The following EPB41L3 variants were observed in gnomAD, a reference collection of about 807,000 sequenced individuals.
EPB41L3 encodes erythrocyte membrane protein band 4.1 like 3, also known as band 4.1-like protein 3.
Under a neutral mutation model 127.1 loss-of-function variants are expected in EPB41L3, and 57 were observed. That is an observed-to-expected ratio of 0.45 (90% CI 0.36 to 0.56). The LOEUF (loss-of-function observed/expected upper bound fraction) is 0.56, where lower values mean the gene tolerates loss of function less well. EPB41L3 is among the 20% of genes least tolerant of loss of function. The pLI is 0.00. For missense variants in EPB41L3, 1,273 were observed against 1,372.2 expected (o/e 0.93, Z 1.14); for synonymous variants, 572 against 549.5 (o/e 1.04, Z -0.57).
chr18:5,522,886 T>C (rs1351228785), intron 1 of EPB41L3, among the ~76,000 whole-genome samples: 6 of 152,202 alleles, frequency 3.9e-5, no homozygotes, highest in African/African-American at 1.4e-4. Flanking sequence ...AAATATTTGA[T>C]GAATAAGTGA....
At chr18:5,598,468 A>G (rs1179294883) in intron 3 of EPB41L3, among the ~76,000 whole-genome samples, 1 of 152,190 alleles carries the variant, frequency 6.6e-6, no homozygotes, top group African/African-American at 2.4e-5. Context: ...TTATTTTTAA[A>G]TGAATTAATA....
upstream of EPB41L3, among the ~76,000 whole-genome samples, chr18:5,546,314 C>T (rs1264431331): frequency 6.6e-6 from 1 of 151,984 alleles, no homozygotes; most frequent in South Asian, 2.1e-4. Context: ...CGGTGGATCA[C>T]GAGGTCAGGA....
rs1489727377 is a variant in EPB41L3, at chr18:5,394,989, G to T, written c.3153+78C>A. ...CTTCGGAATACATGCTGGACTAGAG[G>T]AATAGCATTGAAACTGTAGGACCAA... On this transcript the variant is annotated intron_variant, in intron 21 of 22. Coordinates refer to ENST00000341928, the MANE Select transcript of EPB41L3 (RefSeq NM_012307.5). The T allele has an allele frequency of 4.3e-6, 6 of 1,392,500 alleles. No individual in the cohort carries two copies. In the African/African-American group the frequency reaches 5.7e-5, roughly 13 times the overall value. 86.3% of individuals were successfully genotyped at this position (1,392,500 alleles called of 1,614,324 possible).
In EPB41L3 at chr18:5,434,182, C is replaced by T. The variant is rs185435828; in HGVS notation, c.606-61G>A. On this transcript the variant is annotated intron_variant, in intron 6 of 22. Coordinates refer to ENST00000341928, the MANE Select transcript of EPB41L3 (RefSeq NM_012307.5). ...GCATGAGGATACAGGAAAAGGAGGT[C>T]GCTTGGTAAAAATCGTGGGCAAATA... The T allele has an allele frequency of 8.3e-4, 1,190 of 1,429,762 alleles. 1 individual carries two copies. Among genetic ancestry groups the T allele is most frequent in the Non-Finnish European group, 1.1e-3 (1,076 of 1,020,904 alleles). The allele number at this position is 1,429,762 out of a possible 1,614,324, so 88.6% of individuals were successfully genotyped here.
intron 13 of EPB41L3, among the ~76,000 whole-genome samples, chr18:5,413,539 T>C (rs1029324046): frequency 1.2e-4 from 18 of 152,214 alleles, no homozygotes; most frequent in African/African-American, 3.9e-4. Flanking sequence ...CTGAATTGTA[T>C]GTTAAGAAGT....
At chr18:5,447,123 G>C (rs1488027398) in intron 3 of EPB41L3, among the ~76,000 whole-genome samples, 2 of 152,166 alleles carry the variant, frequency 1.3e-5, no homozygotes, top group Non-Finnish European at 2.9e-5. Context: ...ACCTGTGCTT[G>C]AATCTTCAGG....
chr18:5,449,095 A>G (rs2081932435), intron 3 of EPB41L3, among the ~76,000 whole-genome samples: 1 of 152,232 alleles, frequency 6.6e-6, no homozygotes, highest in Non-Finnish European at 1.5e-5. Flanking sequence ...CACGTATCTG[A>G]TAAAGAACTG....
chr18:5,395,012 C>A (rs1169479241), intron 21 of EPB41L3, 55 bp downstream of exon 21: 1 of 1,548,280 alleles, frequency 6.5e-7, no homozygotes, highest in South Asian at 1.1e-5. Context: ...ACTGTAGGAC[C>A]AACAGGTTTT....
At chr18:5,554,471 TA>T in intron 3 of EPB41L3, among the ~76,000 whole-genome samples, 1 of 152,186 alleles carries the variant, frequency 6.6e-6, no homozygotes, top group Non-Finnish European at 1.5e-5. Context: ...AGGAAGAAAC[TA>T]AATCTAAGGG....
At chr18:5,417,029 T>C (rs2076914289) in intron 12 of EPB41L3, among the ~76,000 whole-genome samples, 2 of 152,176 alleles carry the variant, frequency 1.3e-5, no homozygotes, top group Admixed American at 6.5e-5. Context: ...AGAAAAGAAC[T>C]GAAGTTCCCT....
upstream of EPB41L3, among the ~76,000 whole-genome samples, chr18:5,548,328 C>G (rs936640290): frequency 6.6e-6 from 1 of 152,198 alleles, no homozygotes; most frequent in Non-Finnish European, 1.5e-5. Flanking sequence ...TCCAGATGCT[C>G]TCTTCATATT....
chr18:5,551,802 T>G (rs2093969193), intron 3 of EPB41L3, among the ~76,000 whole-genome samples: 1 of 152,158 alleles, frequency 6.6e-6, no homozygotes, highest in Non-Finnish European at 1.5e-5. Context: ...ATTCTCTCTG[T>G]TTCGTGTACA....
chr18:5,601,360 C>G lies in EPB41L3; in HGVS notation c.-306+10980G>C, dbSNP rs189239736. 6.6e-5 allele frequency among the ~76,000 whole-genome samples: 10 copies of G among 152,300 alleles called. No homozygotes were observed. In the South Asian group the frequency reaches 1.2e-3, roughly 19 times the overall value. The stretch of plus-strand genomic sequence containing the variant: ...CTCCAATGCTGCTAAGTTGCCTCCC[C>G]CTGTGCTATCCCAGGGCTGGCTTTG... On this transcript the variant is annotated intron_variant, in intron 3 of 21. Transcript: ENST00000545076.
chr18:5,596,040 G>T (rs751614270), intron 3 of EPB41L3, among the ~76,000 whole-genome samples: 1 of 152,170 alleles, frequency 6.6e-6, no homozygotes, highest in Non-Finnish European at 1.5e-5. Flanking sequence ...TTTAAACAAT[G>T]AGGTATAAGA....
rs2072668894 is a variant in EPB41L3, at chr18:5,393,122, T to C, written c.*363A>G. ...AATTTTGTTTAGACTTTAATAATAATAAACTATGAAAGGCATGAATTGTTT... is the reference window on the plus strand; with the variant it reads ...AATTTTGTTTAGACTTTAATAATAACAAACTATGAAAGGCATGAATTGTTT... On this transcript the variant is annotated 3_prime_UTR_variant, in exon 23 of 23. Transcript: ENST00000341928. 9.1e-6 allele frequency: 2 copies of C among 218,676 alleles called. No homozygotes were observed. Among genetic ancestry groups the C allele is most frequent in the East Asian group, 9.6e-5 (1 of 10,370 alleles). 13.5% of individuals were successfully genotyped at this position (218,676 alleles called of 1,614,324 possible).
chr18:5,428,996 T>C (rs1480379629), intron 8 of EPB41L3, among the ~76,000 whole-genome samples: 1 of 152,214 alleles, frequency 6.6e-6, no homozygotes, highest in Admixed American at 6.5e-5. Context: ...TTGGTTGTTG[T>C]TCCTTTAAAA....
chr18:5,563,461 G>A (rs2094159198), intron 3 of EPB41L3, among the ~76,000 whole-genome samples: 1 of 152,228 alleles, frequency 6.6e-6, no homozygotes, highest in South Asian at 2.1e-4. Context: ...TAACAAAGAA[G>A]TTATTATCAT....
chr18:5,522,803 C>G (rs966164669), intron 1 of EPB41L3, among the ~76,000 whole-genome samples: 1 of 152,116 alleles, frequency 6.6e-6, no homozygotes, highest in Non-Finnish European at 1.5e-5. Flanking sequence ...AAATAACAGA[C>G]AAGTTTTTAA....
chr18:5,395,112 C>T lies in EPB41L3; in HGVS notation c.3108G>A (p.Glu1036=). Residue 1036 remains glutamate (E), a synonymous_variant, in exon 21 of 23, where the codon GAG becomes GAA. Transcript: ENST00000341928. ...VKGGISETRI[E]KRIVITGDAD... ...CATCCCCCGTGATGACTATTCGCTT[C>T]TCAATTCTTGTCTCTGAAATGCCCC... 1 of 1,614,148 alleles carries T rather than the reference C, an allele frequency of 6.2e-7. No individual in the cohort carries two copies. The highest frequency in any genetic ancestry group is 1.3e-5 in the African/African-American group (1 of 75,048).
Sources: gnomAD v4.1 joint callset for allele counts (sites outside exome capture counted in the v4.1 genomes callset) on GRCh38, gnomAD v4.1.1 for gene constraint, MANE v1.5 for transcripts, NCBI Gene and HGNC (gene_info 2026-07-23, HGNC 2026-07-21) for gene names.